KRIT1: variants seen among roughly 807,000 people sequenced by gnomAD.
KRIT1 encodes the protein KRIT1 ankyrin repeat containing.
In KRIT1, 45 loss-of-function variants were observed where a neutral mutation model predicts 95.8. The ratio of observed to expected loss-of-function variants is 0.47; its 90% confidence interval spans 0.37 to 0.60. The LOEUF is 0.60. Ranked by LOEUF, KRIT1 falls within the 20% of genes least tolerant of loss-of-function variation. KRIT1 has a pLI of 0.00. For missense variants in KRIT1, 788 were observed against 877.5 expected, an observed-to-expected ratio of 0.90 and a Z score of 1.29; for synonymous variants, 282 against 278.8, an observed-to-expected ratio of 1.01 and a Z score of -0.11.
chr7:92,223,845 T>C (rs573888352), intron 12 of KRIT1, among the ~76,000 whole-genome samples: 156 of 152,310 alleles, frequency 1.0e-3, no homozygotes, highest in African/African-American at 3.7e-3. Context: ...ATTTTTATTG[T>C]TATAGGAAGT....
At chr7:92,219,972 T>C (rs950714359) in intron 14 of KRIT1, among the ~76,000 whole-genome samples, 1 of 152,240 alleles carries the variant, frequency 6.6e-6, no homozygotes. Context: ...AGCTTATACC[T>C]TGAAACTTCG....
chr7:92,200,868 G>T, intron 18 of KRIT1, 64 bp from the exon 19 acceptor site: 3 of 1,120,690 alleles, frequency 2.7e-6, no homozygotes, highest in South Asian at 1.3e-5. Context: ...GGACATTCAT[G>T]ACATTGGGCA....
At position 92,234,478 on chromosome 7, in the gene KRIT1, G is replaced by A; in HGVS notation, c.960C>T (p.Asp320=). Residue 320 remains aspartate (D), a synonymous_variant, in exon 10 of 19, where the codon GAC becomes GAT. Transcript: ENST00000394505. ...ATGCATAATGAATGGGTGCCCAGTG[G>A]TCACTATCTAACTGGTTGACTGAAA... ...ERFSVNQLDS[D]HWAPIHYACW... 2 of 1,609,182 alleles carry A rather than the reference G, an allele frequency of 1.2e-6. No homozygotes were observed. The highest frequency in any genetic ancestry group is 1.7e-6 in the Non-Finnish European group (2 of 1,175,422).
chr7:92,233,919 G>A (rs936119741), intron 10 of KRIT1, among the ~76,000 whole-genome samples: 1 of 152,188 alleles, frequency 6.6e-6, no homozygotes, highest in Admixed American at 6.5e-5. Flanking sequence ...GCAACTAGTG[G>A]AAAGAGCTAA....
downstream of KRIT1, chr7:92,199,091 G>A (rs971660197): frequency 2.0e-5 from 3 of 152,160 alleles, no homozygotes; most frequent in Admixed American, 6.5e-5. Flanking sequence ...AGTATAACTT[G>A]GAAATTAAGA....
At chr7:92,224,463 C>T (rs3793327) in intron 12 of KRIT1, among the ~76,000 whole-genome samples, 17,303 of 151,708 alleles carry the variant, frequency 0.11, 1,129 homozygotes, top group East Asian at 0.36. Flanking sequence ...ATAGTGAGAC[C>T]CTGTCTCATA....
intron 3 of KRIT1, 163 bp from the exon 4 acceptor site, chr7:92,242,300 G>A (rs1799853479): frequency 3.3e-6 from 2 of 597,734 alleles, no homozygotes; most frequent in Non-Finnish European, 5.9e-6. Context: ...AATATACAGT[G>A]CCTAAAAGGC....
chr7:92,216,173 G>A (rs1793943755), intron 14 of KRIT1, among the ~76,000 whole-genome samples: 1 of 149,012 alleles, frequency 6.7e-6, no homozygotes. Flanking sequence ...AGCTTGCAGT[G>A]AGCCGAAATT....
At chr7:92,216,360 TA>T (rs56911336) in intron 14 of KRIT1, among the ~76,000 whole-genome samples, 226 of 149,094 alleles carry the variant, frequency 1.5e-3, no homozygotes, top group Middle Eastern at 6.9e-3. Context: ...TATTAAATAT[TA>T]AAAAAAAAAT....
intron 9 of KRIT1, 86 bp from the exon 10 acceptor site, chr7:92,234,678 G>A: frequency 8.0e-7 from 1 of 1,253,638 alleles, no homozygotes; most frequent in South Asian, 1.2e-5. Context: ...TGAAAGCTCT[G>A]TATCACTAAG....
chr7:92,225,697 C>T (rs779741478), intron 12 of KRIT1, 23 bp downstream of exon 12: 57 of 1,215,404 alleles, frequency 4.7e-5, no homozygotes, highest in Middle Eastern at 2.5e-4. Flanking sequence ...ATGCCTGGCT[C>T]TAACTATGAA....
At chr7:92,231,645 A>G (rs546822884) in intron 10 of KRIT1, among the ~76,000 whole-genome samples, 2 of 152,318 alleles carry the variant, frequency 1.3e-5, no homozygotes, top group African/African-American at 4.8e-5. Context: ...CAATTAGTGA[A>G]TAAGAGTATA....
intron 17 of KRIT1, among the ~76,000 whole-genome samples, chr7:92,209,302 C>A (rs370261484): frequency 2.4e-4 from 36 of 152,126 alleles, no homozygotes; most frequent in African/African-American, 8.7e-4. Context: ...ACAAGGATAC[C>A]CCACTTTCAA....
At chr7:92,225,168 T>A (rs1368488840) in intron 12 of KRIT1, among the ~76,000 whole-genome samples, 1 of 152,084 alleles carries the variant, frequency 6.6e-6, no homozygotes, top group Non-Finnish European at 1.5e-5. Flanking sequence ...AAAAATTATG[T>A]GTAATCAACA....
At chr7:92,233,967 G>C (rs1277120385) in intron 10 of KRIT1, among the ~76,000 whole-genome samples, 1 of 152,160 alleles carries the variant, frequency 6.6e-6, no homozygotes, top group East Asian at 1.9e-4. Flanking sequence ...TAACATAATG[G>C]AAAGCTGTGG....
chr7:92,237,727 G>C lies in KRIT1; in HGVS notation c.295C>G (p.Leu99Val). ...KRVVLMKKFP[L>V]DGEKMGREAS... Reference sequence around the variant, plus strand: ...TCTCTGCCCATCTTCTCTCCATCCAGAGGAAATTTTTTCATTAGTACAACT... The same window carrying C: ...TCTCTGCCCATCTTCTCTCCATCCACAGGAAATTTTTTCATTAGTACAACT... The change falls in exon 6 of 19, where the codon CTG becomes GTG. Residue 99 changes from leucine (L) to valine (V), a missense_variant. Physicochemically the swap from Leu to Val is conservative, Grantham distance 32. Coordinates refer to ENST00000394505, the MANE Select transcript of KRIT1 (RefSeq NM_194454.3). 2.5e-6 allele frequency: 4 copies of C among 1,607,598 alleles called. No homozygotes were observed. Among genetic ancestry groups the C allele is most frequent in the Non-Finnish European group, 3.4e-6 (4 of 1,174,538 alleles).
chr7:92,240,864 G>A (rs1415886708), intron 5 of KRIT1, 129 bp downstream of exon 5: 3 of 794,488 alleles, frequency 3.8e-6, no homozygotes, highest in East Asian at 2.6e-5. Context: ...AAACACTTGA[G>A]TTTTTTTGCA....
rs369915828 is a variant in KRIT1, at chr7:92,213,282, T to C, written c.1938A>G (p.Thr646=). 1.6e-5 allele frequency: 26 copies of C among 1,613,492 alleles called. No individual in the cohort carries two copies. Among genetic ancestry groups the C allele is most frequent in the East Asian group, 6.7e-5 (3 of 44,846 alleles). ...CTTTATGATTGCTGGGGCTTGCCTT[T>C]GTAAATATCTGTCCTGTGAAAAATG... ...GAAFFTGQIF[T]KASPSNHKVI... The change falls in exon 17 of 19, where the codon ACA becomes ACG. Residue 646 remains threonine, a synonymous_variant. Transcript: ENST00000394505.
rs755271155 is a variant in KRIT1, at chr7:92,222,801, A to C, written c.1411+21T>G. The C allele has an allele frequency of 2.0e-6, 3 of 1,472,676 alleles. No individual in the cohort carries two copies. The African/African-American group carries it at 4.2e-5, about 20-fold the overall frequency. The allele number at this position is 1,472,676 out of a possible 1,614,324, so 91.2% of individuals were successfully genotyped here. On this transcript the variant is annotated intron_variant, in intron 13 of 18. Transcript: ENST00000394505. ...AAAAGGAATAATGAGGTTTACTATA[A>C]CATAATAAAAACTTTCTTACTGAGG...
Sources: allele counts gnomAD v4.1 joint callset (sites outside exome capture counted in the v4.1 genomes callset), GRCh38; gene constraint gnomAD v4.1.1; transcripts MANE v1.5; gene names NCBI Gene and HGNC (gene_info 2026-07-23, HGNC 2026-07-21).